RBFOX1: variants seen among roughly 807,000 people sequenced by gnomAD.
RBFOX1 encodes the protein RNA binding protein fox-1 homolog 1.
RBFOX1 carries 8 observed loss-of-function variants against 57.7 expected under a neutral mutation model. The observed-to-expected ratio is 0.14, with a 90% CI of 0.08 to 0.25. The LOEUF is 0.25. RBFOX1 is among the 10% of genes least tolerant of loss of function. The pLI is 1.00. For missense variants in RBFOX1, 611 were observed against 548.5 expected (o/e 1.11, Z -1.14); for synonymous variants, 326 against 222.4 (o/e 1.47, Z -4.15).
At chr16:7,507,719 A>C (rs781053215) in intron 4 of RBFOX1, among the ~76,000 whole-genome samples, 8 of 151,056 alleles carry the variant, frequency 5.3e-5, no homozygotes, top group Non-Finnish European at 1.0e-4. Context: ...GCCCACCACC[A>C]CGCCTGGCTA....
At chr16:7,547,032 A>C (rs2084747409) in intron 5 of RBFOX1, among the ~76,000 whole-genome samples, 2 of 152,202 alleles carry the variant, frequency 1.3e-5, no homozygotes, top group Non-Finnish European at 2.9e-5. Flanking sequence ...CCAAGACTGC[A>C]CGGCAGTGTC....
rs77007830 is a variant in RBFOX1, at chr16:6,239,299, G to T, written c.-126-77696G>T. On this transcript the variant is annotated intron_variant, in intron 1 of 15. Coordinates refer to ENST00000550418, the MANE Select transcript of RBFOX1 (RefSeq NM_018723.4). ...ACTTGAGATACTTCTTACAGTCCTTGTTGGGGTTATTTCTGGGCCCCACCG... is the reference window on the plus strand; with the variant it reads ...ACTTGAGATACTTCTTACAGTCCTTTTTGGGGTTATTTCTGGGCCCCACCG... Among the ~76,000 whole-genome samples the T allele has an allele frequency of 2.6e-5, 4 of 151,894 alleles. No individual in the cohort carries two copies. In the South Asian group the frequency reaches 6.2e-4, roughly 24 times the overall value.
chr16:5,347,016 A>C (rs903754140), intron 1 of RBFOX1, among the ~76,000 whole-genome samples: 4 of 151,382 alleles, frequency 2.6e-5, no homozygotes, highest in African/African-American at 9.7e-5. Context: ...TTGCTAACAC[A>C]CCTACTTGGC....
intron 3 of RBFOX1, among the ~76,000 whole-genome samples, chr16:6,665,818 C>G (rs1335300890): frequency 6.6e-6 from 1 of 151,980 alleles, no homozygotes; most frequent in Non-Finnish European, 1.5e-5. Flanking sequence ...TCCTTTAAGA[C>G]AGATACAATA....
intron 1 of RBFOX1, among the ~76,000 whole-genome samples, chr16:6,065,188 C>T (rs1016004309): frequency 6.3e-5 from 9 of 143,428 alleles, no homozygotes; most frequent in South Asian, 2.3e-4. Flanking sequence ...CCACCATCAC[C>T]GGCTAATTTT....
At chr16:7,093,372 C>G (rs904442481) in intron 4 of RBFOX1, among the ~76,000 whole-genome samples, 2 of 152,180 alleles carry the variant, frequency 1.3e-5, no homozygotes, top group African/African-American at 2.4e-5. Context: ...TCTGTTGTCT[C>G]GAATATTCCA....
At chr16:6,484,575 C>G (rs1476697924) in intron 2 of RBFOX1, among the ~76,000 whole-genome samples, 1 of 152,112 alleles carries the variant, frequency 6.6e-6, no homozygotes, top group African/African-American at 2.4e-5. Context: ...TACAGAGTGT[C>G]GAATGTGACA....
intron 4 of RBFOX1, among the ~76,000 whole-genome samples, chr16:7,275,209 C>T (rs537640784): frequency 1.3e-5 from 2 of 152,138 alleles, no homozygotes; most frequent in African/African-American, 4.8e-5. Context: ...ATCGACATCA[C>T]ATGCTACACT....
chr16:7,130,004 T>C lies in RBFOX1; in HGVS notation c.27+77906T>C, dbSNP rs566819730. ...ATACTCCTCTACTTCCATCTATACC[T>C]GGCCTCTAATCTTCTTCATTTTTGA... On this transcript the variant is annotated intron_variant, in intron 4 of 15. Transcript: ENST00000550418. Among the ~76,000 whole-genome samples, 18 of 151,880 alleles carry C rather than the reference T, an allele frequency of 1.2e-4. No individual in the cohort carries two copies. In the East Asian group the frequency reaches 3.5e-3, roughly 30 times the overall value.
At chr16:5,921,569 A>G (rs1436857875) in intron 4 of RBFOX1, among the ~76,000 whole-genome samples, 2 of 152,182 alleles carry the variant, frequency 1.3e-5, no homozygotes, top group Non-Finnish European at 2.9e-5. Context: ...AATAGCAACT[A>G]TTTCTGGAAA....
intron 1 of RBFOX1, among the ~76,000 whole-genome samples, chr16:6,206,442 A>G (rs937833969): frequency 1.3e-5 from 2 of 152,160 alleles, no homozygotes; most frequent in African/African-American, 4.8e-5. Flanking sequence ...GCTATGATAA[A>G]CAACTAATGT....
At chr16:5,763,771 G>C (rs757697719) in intron 3 of RBFOX1, among the ~76,000 whole-genome samples, 3 of 152,172 alleles carry the variant, frequency 2.0e-5, no homozygotes, top group Non-Finnish European at 2.9e-5. Context: ...GATTCACAGA[G>C]CTCATCACTT....
chr16:6,034,304 C>T (rs141799119), intron 1 of RBFOX1, among the ~76,000 whole-genome samples: 1,927 of 118,450 alleles, frequency 0.016, 18 homozygotes, highest in Admixed American at 0.026. Context: ...TGCACTCCAG[C>T]CTGGGTGACA....
At chr16:7,710,363 C>T (rs553224310) in intron 15 of RBFOX1, 5 of 1,311,916 alleles carry the variant, frequency 3.8e-6, no homozygotes, top group Non-Finnish European at 3.9e-6. Context: ...CTTCCATTGT[C>T]CAGCTTATAA....
chr16:6,206,707 C>T (rs2097257613), intron 1 of RBFOX1, among the ~76,000 whole-genome samples: 2 of 152,162 alleles, frequency 1.3e-5, no homozygotes, highest in South Asian at 4.1e-4. Context: ...ACTCATCACC[C>T]AGCTTCCCCT....
intron 1 of RBFOX1, among the ~76,000 whole-genome samples, chr16:5,264,814 T>A (rs1358986071): frequency 6.6e-6 from 1 of 152,046 alleles, no homozygotes; most frequent in Non-Finnish European, 1.5e-5. Flanking sequence ...TTGGTGATAC[T>A]CCAGGTAATG....
intron 3 of RBFOX1, among the ~76,000 whole-genome samples, chr16:5,746,142 C>A (rs2052971099): frequency 6.6e-6 from 1 of 152,184 alleles, no homozygotes; most frequent in South Asian, 2.1e-4. Context: ...GATCCAGTTT[C>A]AGCTTTCTCT....
chr16:6,934,472 C>G (rs1050602331), intron 3 of RBFOX1, among the ~76,000 whole-genome samples: 1 of 152,114 alleles, frequency 6.6e-6, no homozygotes, highest in Non-Finnish European at 1.5e-5. Flanking sequence ...ATGGAATCAA[C>G]CTAACTGTCC....
At chr16:6,139,211 C>G (rs990619838) in intron 1 of RBFOX1, among the ~76,000 whole-genome samples, 3 of 152,166 alleles carry the variant, frequency 2.0e-5, no homozygotes, top group Non-Finnish European at 4.4e-5. Context: ...GACATCCCCT[C>G]TCTGCCCACT....
Sources: gnomAD v4.1 joint callset for allele counts (sites outside exome capture counted in the v4.1 genomes callset) on GRCh38, gnomAD v4.1.1 for gene constraint, MANE v1.5 for transcripts, NCBI Gene and HGNC (gene_info 2026-07-23, HGNC 2026-07-21) for gene names.